Variants in TUBA1B observed in about 807,000 individuals in gnomAD.
TUBA1B encodes tubulin alpha 1b.
In TUBA1B, 1 loss-of-function variant was observed where a neutral mutation model predicts 34.4. The observed-to-expected ratio is 0.03, with a 90% CI of 0.01 to 0.14. TUBA1B has a LOEUF of 0.14. Among genes scored for constraint, TUBA1B ranks in the 10% least tolerant of loss-of-function variants. The probability of loss-of-function intolerance (pLI) is 1.00; values close to 1 mark genes in which losing one functional copy is unlikely to be tolerated. For missense variants in TUBA1B, 54 were observed against 583.6 expected (o/e 0.09, Z 9.35); for synonymous variants, 197 against 212.5 (o/e 0.93, Z 0.64).
In TUBA1B at chr12:49,131,343, C is replaced by A; in HGVS notation, c.-43G>T. The A allele has an allele frequency of 6.2e-7, 1 of 1,608,200 alleles. No individual in the cohort carries two copies. Among genetic ancestry groups the A allele is most frequent in the Non-Finnish European group, 8.5e-7 (1 of 1,177,366 alleles). ...AGGCGAAGGCGACAGGAGCAGACACCGGGTCCCGGTTACCGTCCCCGACAA... is the reference window on the plus strand; with the variant it reads ...AGGCGAAGGCGACAGGAGCAGACACAGGGTCCCGGTTACCGTCCCCGACAA... On this transcript the variant is annotated 5_prime_UTR_variant, in exon 1 of 4. Coordinates refer to ENST00000336023, the MANE Select transcript of TUBA1B (RefSeq NM_006082.3).
At chr12:49,131,001 C>G in intron 1 of TUBA1B, 1 of 382,026 alleles carries the variant, frequency 2.6e-6, no homozygotes, top group Non-Finnish European at 5.0e-6. Flanking sequence ...GGACCGCACC[C>G]AGGACACAGT....
rs1442489739 is a variant in TUBA1B at position 49,128,873 on chromosome 12, A to G, written c.441T>C (p.Ser147=). The change falls in exon 4 of 4, where the codon TCT becomes TCC. Residue 147 remains serine (S), a synonymous_variant. Coordinates refer to ENST00000336023, the MANE Select transcript of TUBA1B (RefSeq NM_006082.3). This position sits in a 1 kb window ranked among gnomAD's most constrained non-coding sequence, Gnocchi z 8.1. The part of the protein sequence containing the change: ...VFHSFGGGTG[S]GFTSLLMERL... ...GTTCCATGAGCAGGGAGGTGAACCC[A>G]GAACCAGTTCCCCCACCAAAGCTGT... 1 of 1,614,174 alleles carries G rather than the reference A, an allele frequency of 6.2e-7. No homozygotes were observed. The highest frequency in any genetic ancestry group is 1.1e-5 in the South Asian group (1 of 91,078).
chr12:49,129,885 AT>A, intron 1 of TUBA1B, 163 bp from the exon 2 acceptor site: 1 of 1,267,522 alleles, frequency 7.9e-7, no homozygotes, highest in Non-Finnish European at 1.1e-6. Flanking sequence ...GGCTCCAGTC[AT>A]CCCCCCACCT....
At chr12:49,129,760 T>C (rs746812801) in intron 1 of TUBA1B, 38 bp from the exon 2 acceptor site, 1 of 1,613,452 alleles carries the variant, frequency 6.2e-7, no homozygotes, top group Non-Finnish European at 8.5e-7. Flanking sequence ...TTTAAACCAA[T>C]CTATTGATGA....
At chr12:49,131,274 C>T (rs1941804995) in intron 1 of TUBA1B, 24 bp downstream of exon 1, 2 of 1,606,556 alleles carry the variant, frequency 1.2e-6, no homozygotes, top group Non-Finnish European at 1.7e-6. Context: ...CTGAAAGCAG[C>T]CGGGAGCCGC....
intron 1 of TUBA1B, 175 bp downstream of exon 1, chr12:49,131,122 AT>A: frequency 1.5e-6 from 1 of 667,410 alleles, no homozygotes; most frequent in African/African-American, 1.8e-5. Flanking sequence ...GGCCCCCGCT[AT>A]TTACACACAC....
chr12:49,130,314 A>ATGTCTGTCC, intron 1 of TUBA1B: 1 of 1,289,190 alleles, frequency 7.8e-7, no homozygotes, highest in African/African-American at 1.5e-5. Context: ...CGCAGAAGAA[A>ATGTCTGTCC]TGTCTGTCCG....
intron 1 of TUBA1B, 64 bp downstream of exon 1, chr12:49,131,234 C>A: frequency 6.4e-7 from 1 of 1,566,188 alleles, no homozygotes; most frequent in Admixed American, 1.9e-5. Context: ...AGGGCCCCAG[C>A]GCCCCGCCGG....
chr12:49,128,633 A>T lies in TUBA1B; in HGVS notation c.681T>A (p.Leu227=). 6.2e-7 allele frequency: 1 copy of T among 1,610,864 alleles called. No homozygotes were observed. The highest frequency in any genetic ancestry group is 8.5e-7 in the Non-Finnish European group (1 of 1,178,502). ...ACACAATCTGGCTAATAAGGCGGTT[A>T]AGGTTAGTGTAGGTTGGGCGCTCGA... The part of the protein sequence containing the change: ...LDIERPTYTN[L]NRLISQIVSS... Residue 227 remains leucine (L), a synonymous_variant, in exon 4 of 4, where the codon CTT becomes CTA. Coordinates refer to ENST00000336023, the MANE Select transcript of TUBA1B (RefSeq NM_006082.3). The surrounding 1 kb of genome is among the most constrained non-coding windows in gnomAD (Gnocchi z 8.1).
Position 49,129,098 on chromosome 12 carries a change from C to T in TUBA1B, c.375+144G>A. 4 of 1,548,166 alleles carry T rather than the reference C, an allele frequency of 2.6e-6. No homozygotes were observed. In the East Asian group the frequency reaches 9.1e-5, roughly 35 times the overall value. On this transcript the variant is annotated intron_variant, in intron 3 of 3. Coordinates refer to ENST00000336023, the MANE Select transcript of TUBA1B (RefSeq NM_006082.3). ...AAACTGTCCATAACCTAGGGACTAT[C>T]TGATTTAGAAGTCCAATTAATATAG...
intron 2 of TUBA1B, 32 bp downstream of exon 2, chr12:49,129,468 C>A: frequency 6.2e-7 from 1 of 1,613,758 alleles, no homozygotes; most frequent in East Asian, 2.2e-5. Flanking sequence ...GTCCCAGCAT[C>A]CTGGGATCTC....
intron 1 of TUBA1B, chr12:49,130,975 A>T (rs1239615853): frequency 3.3e-6 from 1 of 300,500 alleles, no homozygotes; most frequent in East Asian, 6.0e-5. Context: ...GCTGGAAAGG[A>T]CTGCGGGGAC....
rs184549198 is a variant in TUBA1B, at chr12:49,129,048, G to C, written c.376-110C>G. 4 of 1,517,650 alleles carry C rather than the reference G, an allele frequency of 2.6e-6. No individual in the cohort carries two copies. The African/African-American group carries it at 4.2e-5, about 16-fold the overall frequency. The allele number at this position is 1,517,650 out of a possible 1,614,324, so 94.0% of individuals were successfully genotyped here. On this transcript the variant is annotated intron_variant, in intron 3 of 3. Transcript: ENST00000336023. ...CATATCTCACTGATGTAAGCACAAG[G>C]AATTGGCAAAACAGACATATCCACA...
rs2121170242 is a variant in TUBA1B at position 49,131,315 on chromosome 12, A to G, written c.-15T>C. 1.2e-6 allele frequency: 2 copies of G among 1,610,796 alleles called. No individual in the cohort carries two copies. The highest frequency in any genetic ancestry group is 2.2e-5 in the East Asian group (1 of 44,808). ...TTACTCACCATAGTGGCTAGGGATT[A>G]GGAGGCGAAGGCGACAGGAGCAGAC... is the stretch of plus-strand genomic sequence containing the variant. On this transcript the variant is annotated 5_prime_UTR_variant, in exon 1 of 4. Transcript: ENST00000336023.
chr12:49,131,391 G>A lies in TUBA1B; in HGVS notation c.-91C>T. The A allele has an allele frequency of 3.3e-6, 5 of 1,498,904 alleles. No individual in the cohort carries two copies. The highest frequency in any genetic ancestry group is 2.0e-4 in the Middle Eastern group (1 of 4,890). The allele number at this position is 1,498,904 out of a possible 1,614,324, so 92.9% of individuals were successfully genotyped here. A position where few individuals can be genotyped will look rare whatever the true frequency, so the allele number is the denominator to read the frequency against. ...CAAGCTAAGAGTCGAGGTAAGTAAC[G>A]CACTAGGGCGGGGCCGGCGCTGGAG... On this transcript the variant is annotated 5_prime_UTR_variant, in exon 1 of 4. Coordinates refer to ENST00000336023, the MANE Select transcript of TUBA1B (RefSeq NM_006082.3).
intron 1 of TUBA1B, chr12:49,130,122 C>T: frequency 8.3e-7 from 1 of 1,199,618 alleles, no homozygotes; most frequent in Admixed American, 3.6e-5. Context: ...ATGTTACCTT[C>T]CCATCCTAAA....
Position 49,128,938 on chromosome 12 carries a change from C to T in TUBA1B, c.376G>A (p.Ala126Thr). 1 of 1,586,018 alleles carries T rather than the reference C, an allele frequency of 6.3e-7. No individual in the cohort carries two copies. Among genetic ancestry groups the T allele is most frequent in the African/African-American group, 1.4e-5 (1 of 73,274 alleles). ...DLVLDRIRKLADQCTGLQGFL... is the reference protein window; with the variant it reads ...DLVLDRIRKLTDQCTGLQGFL... ...CCCTGAAGACCGGTGCACTGGTCAG[C>T]CTGTAGGGGAATAAAAAAATGTAAT... The change falls in exon 4 of 4, where the codon GCT becomes ACT. Residue 126 changes from alanine (A) to threonine (T), a missense_variant and splice_region_variant. Physicochemically the swap from Ala to Thr is moderately conservative, Grantham distance 58. Coordinates refer to ENST00000336023, the MANE Select transcript of TUBA1B (RefSeq NM_006082.3). This position sits in a 1 kb window ranked among gnomAD's most constrained non-coding sequence, Gnocchi z 8.1.
intron 1 of TUBA1B, chr12:49,130,317 T>TCTGTC (rs1161843749): frequency 3.9e-6 from 5 of 1,289,064 alleles, no homozygotes; most frequent in Non-Finnish European, 5.1e-6. Context: ...AGAAGAAATG[T>TCTGTC]CTGTCCGCAG....
chr12:49,130,233 G>C, intron 1 of TUBA1B: 1 of 1,286,574 alleles, frequency 7.8e-7, no homozygotes, highest in Non-Finnish European at 1.0e-6. Context: ...TCAGGCCCCA[G>C]AAGCCCACTT....
Sources: allele counts gnomAD v4.1 joint callset, GRCh38; gene constraint gnomAD v4.1.1; non-coding constraint Gnocchi (gnomAD v3.1); transcripts MANE v1.5; gene names NCBI Gene and HGNC (gene_info 2026-07-23, HGNC 2026-07-21).